Variants in METTL15 observed in about 807,000 individuals in gnomAD.
METTL15 encodes 12S rRNA N(4)-cytidine methyltransferase METTL15.
METTL15 carries 34 observed loss-of-function variants against 38.3 expected under a neutral mutation model. The ratio of observed to expected loss-of-function variants is 0.89; its 90% CI spans 0.68 to 1.18. The LOEUF is 1.18. Ranked by LOEUF, METTL15 falls within the 50% of genes most tolerant of loss-of-function variation. The pLI, the probability that METTL15 is intolerant of heterozygous loss-of-function variation, is 0.00. For missense variants in METTL15, 438 were observed against 498.4 expected, an observed-to-expected ratio of 0.88 and a Z score of 1.15; for synonymous variants, 162 against 170.9, an observed-to-expected ratio of 0.95 and a Z score of 0.41.
rs183453947 is a variant in METTL15 at position 28,210,987 on chromosome 11, C to G, written c.271-75C>G. 5.5e-4 allele frequency: 789 copies of G among 1,426,470 alleles called. 4 individuals carry two copies. Among genetic ancestry groups the G allele is most frequent in the African/African-American group, 2.5e-3 (171 of 69,324 alleles). The allele number at this position is 1,426,470 out of a possible 1,614,324, so 88.4% of individuals were successfully genotyped here. A position where few individuals can be genotyped will look rare whatever the true frequency, so the allele number is the denominator to read the frequency against. ...CAAGTCTGAAAATCATTGTGTGCTT[C>G]TAGAAATTGAGATAGTTGTCAAGAA... On this transcript the variant is annotated intron_variant, in intron 3 of 6. Transcript: ENST00000407364.
At chr11:28,392,292 G>A (rs1419528293) in intron 5 of METTL15, among the ~76,000 whole-genome samples, 1 of 152,036 alleles carries the variant, frequency 6.6e-6, no homozygotes, top group Non-Finnish European at 1.5e-5. Context: ...AAGCAATTAT[G>A]AGAAAGAAAA....
intron 4 of METTL15, among the ~76,000 whole-genome samples, chr11:28,278,742 T>G (rs1003978058): frequency 6.6e-6 from 1 of 152,204 alleles, no homozygotes; most frequent in Non-Finnish European, 1.5e-5. Flanking sequence ...TATCATCTTT[T>G]GTATAGGTAG....
chr11:28,395,135 C>T (rs1000258924), intron 5 of METTL15, among the ~76,000 whole-genome samples: 16 of 151,992 alleles, frequency 1.1e-4, no homozygotes, highest in East Asian at 1.9e-4. Context: ...ATCGTTTGCC[C>T]ACAATTCCCT....
chr11:28,410,468 T>G (rs2133412205), intron 5 of METTL15, among the ~76,000 whole-genome samples: 1 of 152,242 alleles, frequency 6.6e-6, no homozygotes, highest in African/African-American at 2.4e-5. Flanking sequence ...TGATTTAACA[T>G]ATGCAAATCA....
At chr11:28,177,143 C>A (rs1327161853) in intron 3 of METTL15, among the ~76,000 whole-genome samples, 3 of 152,030 alleles carry the variant, frequency 2.0e-5, no homozygotes, top group Non-Finnish European at 4.4e-5. Flanking sequence ...TATAAATAAA[C>A]ACTGACAGTG....
chr11:28,212,305 A>T (rs768656125), intron 4 of METTL15, among the ~76,000 whole-genome samples: 4 of 152,146 alleles, frequency 2.6e-5, no homozygotes, highest in African/African-American at 4.8e-5. Flanking sequence ...TTCCGAGAAT[A>T]ATATGAAGAC....
intron 6 of METTL15, among the ~76,000 whole-genome samples, chr11:28,306,719 T>G (rs1173784784): frequency 6.6e-6 from 1 of 152,034 alleles, no homozygotes; most frequent in African/African-American, 2.4e-5. Context: ...GTTCAAGTTA[T>G]TTTAAAGAAT....
At chr11:28,357,616 A>G (rs549950650) in intron 4 of METTL15, among the ~76,000 whole-genome samples, 1 of 152,348 alleles carries the variant, frequency 6.6e-6, no homozygotes, top group African/African-American at 2.4e-5. Context: ...TAAGAATCAC[A>G]TGATTTGAGG....
intron 3 of METTL15, among the ~76,000 whole-genome samples, chr11:28,118,369 G>A (rs972777241): frequency 3.3e-5 from 5 of 152,088 alleles, no homozygotes; most frequent in Admixed American, 1.3e-4. Flanking sequence ...CTCTTGGAAG[G>A]TATTTAAAAT....
At chr11:28,218,365 T>A (rs996764974) in intron 4 of METTL15, among the ~76,000 whole-genome samples, 14 of 152,260 alleles carry the variant, frequency 9.2e-5, no homozygotes, top group Non-Finnish European at 1.8e-4. Flanking sequence ...TGTTTGTCTG[T>A]TGTTGGTGTA....
intron 6 of METTL15, among the ~76,000 whole-genome samples, chr11:28,460,937 A>G (rs1851208523): frequency 6.6e-6 from 1 of 152,036 alleles, no homozygotes; most frequent in Admixed American, 6.6e-5. Context: ...AATGAGAGAG[A>G]AAGAGGAGGT....
At chr11:28,284,603 A>G (rs1355939647) in intron 4 of METTL15, among the ~76,000 whole-genome samples, 2 of 152,214 alleles carry the variant, frequency 1.3e-5, no homozygotes, top group East Asian at 1.9e-4. Flanking sequence ...TATGGAGGAA[A>G]TAGGCTTAGC....
intron 4 of METTL15, among the ~76,000 whole-genome samples, chr11:28,223,349 G>T (rs1245297249): frequency 1.3e-5 from 2 of 152,220 alleles, no homozygotes; most frequent in South Asian, 2.1e-4. Flanking sequence ...ATCCACATAT[G>T]TAGTAATAAA....
At chr11:28,528,002 G>A (rs568016696), downstream of METTL15, among the ~76,000 whole-genome samples, 1 of 152,178 alleles carries the variant, frequency 6.6e-6, no homozygotes, top group East Asian at 1.9e-4. Flanking sequence ...TGGCATGCAT[G>A]GGAAGAATTT....
At chr11:28,228,955 G>C (rs953011387) in intron 4 of METTL15, among the ~76,000 whole-genome samples, 1 of 151,782 alleles carries the variant, frequency 6.6e-6, no homozygotes, top group Non-Finnish European at 1.5e-5. Context: ...TTAGATTTTA[G>C]AATCAAACAG....
intron 6 of METTL15, among the ~76,000 whole-genome samples, chr11:28,442,484 T>C (rs1426675513): frequency 6.6e-6 from 1 of 152,210 alleles, no homozygotes; most frequent in Admixed American, 6.5e-5. Context: ...GACAATATTA[T>C]TGCCATTTTG....
intron 3 of METTL15, among the ~76,000 whole-genome samples, chr11:28,195,277 T>C (rs1851868095): frequency 6.6e-6 from 1 of 152,124 alleles, no homozygotes; most frequent in Non-Finnish European, 1.5e-5. Flanking sequence ...TTTACTTCTT[T>C]GAGAAATCTC....
intron 5 of METTL15, among the ~76,000 whole-genome samples, chr11:28,386,838 A>G (rs1850446469): frequency 6.6e-6 from 1 of 152,036 alleles, no homozygotes. Flanking sequence ...AAATTTAACA[A>G]GATTGAACTC....
chr11:28,289,649 T>G (rs376585713), intron 4 of METTL15, among the ~76,000 whole-genome samples: 2 of 152,166 alleles, frequency 1.3e-5, no homozygotes, highest in Non-Finnish European at 2.9e-5. Flanking sequence ...TGCTGAGAGA[T>G]AATACATTGC....
Sources: gnomAD v4.1 joint callset for allele counts (sites outside exome capture counted in the v4.1 genomes callset) on GRCh38, gnomAD v4.1.1 for gene constraint, MANE v1.5 for transcripts, NCBI Gene and HGNC (gene_info 2026-07-23, HGNC 2026-07-21) for gene names.